The following NKIRAS1 variants were observed in gnomAD, a reference collection of about 807,000 sequenced individuals.
NKIRAS1 encodes the protein NFKB inhibitor interacting Ras like 1.
Under a neutral mutation model 19.8 loss-of-function variants are expected in NKIRAS1, and 16 were observed. That is an observed-to-expected ratio of 0.81 (90% confidence interval 0.55 to 1.23). The LOEUF is 1.23. NKIRAS1 is among the 50% of genes most tolerant of loss of function. NKIRAS1 has a pLI of 0.00. For synonymous variants in NKIRAS1, 88 were observed against 79.0 expected (o/e 1.11, Z -0.61); for missense variants, 184 against 220.0 (o/e 0.84, Z 1.04).
chr3:23,927,095 T>C lies in NKIRAS1; in HGVS notation c.-139-15645A>G, dbSNP rs1016710172. Among the ~76,000 whole-genome samples the C allele has an allele frequency of 1.8e-4, 28 of 152,370 alleles. No homozygotes were observed. Among genetic ancestry groups the C allele is most frequent in the Admixed American group, 3.3e-4 (5 of 15,308 alleles). On this transcript the variant is annotated intron_variant, in intron 1 of 4. Coordinates refer to the NKIRAS1 transcript ENST00000421515. The surrounding 1 kb of genome is among the most constrained non-coding windows in gnomAD (Gnocchi z 4.0). ...TTAGCTTCTCCATCGATTTTAGTTA[T>C]TCTTATTAATGATGCAGTGAACATC...
At chr3:23,915,171 A>T (rs1329837719) in intron 1 of NKIRAS1, among the ~76,000 whole-genome samples, 1 of 152,256 alleles carries the variant, frequency 6.6e-6, no homozygotes, top group Non-Finnish European at 1.5e-5. Flanking sequence ...GTGTAATCAC[A>T]AGTGTCTTTA....
At chr3:23,905,728 C>G (rs1385434838) in intron 3 of NKIRAS1, among the ~76,000 whole-genome samples, 1 of 148,112 alleles carries the variant, frequency 6.8e-6, no homozygotes. Flanking sequence ...TGAAGGCCAT[C>G]ATCACTGGAT....
chr3:23,939,817 G>A (rs957729115), intron 1 of NKIRAS1, among the ~76,000 whole-genome samples: 6 of 152,068 alleles, frequency 3.9e-5, no homozygotes, highest in South Asian at 2.1e-4. Context: ...GAGATAAGAG[G>A]ATACAAACAA....
chr3:23,899,860 G>A (rs1349885163), intron 4 of NKIRAS1, among the ~76,000 whole-genome samples: 3 of 152,196 alleles, frequency 2.0e-5, no homozygotes, highest in South Asian at 2.1e-4. Flanking sequence ...TGTACCCAAG[G>A]AGATAATAAA....
intron 1 of NKIRAS1, chr3:23,945,697 G>A: frequency 1.3e-6 from 1 of 750,160 alleles, no homozygotes; most frequent in Non-Finnish European, 1.7e-6. Context: ...ATGGCCGGTG[G>A]GGCGGGGTGG....
rs1468991168 is a variant in NKIRAS1 at position 23,891,381 on chromosome 3, T to C, written c.*1714A>G. 6.6e-6 allele frequency: 1 copy of C among 152,268 alleles called. No homozygotes were observed. The highest frequency in any genetic ancestry group is 2.4e-5 in the African/African-American group (1 of 41,470). The allele number at this position is 152,268 out of a possible 1,614,324, so 9.4% of individuals were successfully genotyped here. On this transcript the variant is annotated 3_prime_UTR_variant, in exon 5 of 5. Transcript: ENST00000425478. ...CATTCGCAGATTCTTCTGAAATCGATAGGTATCTGCTTCTAAAACAAGCTA... is the reference window on the plus strand; with the variant it reads ...CATTCGCAGATTCTTCTGAAATCGACAGGTATCTGCTTCTAAAACAAGCTA...
Position 23,891,349 on chromosome 3 carries a change from T to A in NKIRAS1, c.*1746A>T, listed in dbSNP as rs1160667151. 2 of 152,246 alleles carry A rather than the reference T, an allele frequency of 1.3e-5. No homozygotes were observed. Among genetic ancestry groups the A allele is most frequent in the African/African-American group, 4.8e-5 (2 of 41,466 alleles). The allele number at this position is 152,246 out of a possible 1,614,324, so 9.4% of individuals were successfully genotyped here. On this transcript the variant is annotated 3_prime_UTR_variant, in exon 5 of 5. Coordinates refer to ENST00000425478, the MANE Select transcript of NKIRAS1 (RefSeq NM_020345.4). ...GTTCATTTACTTTTCTTTTGCCTTT[T>A]GGTTGCCATTCGCAGATTCTTCTGA...
At chr3:23,940,233 G>C (rs1409217617) in intron 1 of NKIRAS1, among the ~76,000 whole-genome samples, 3 of 150,542 alleles carry the variant, frequency 2.0e-5, no homozygotes, top group East Asian at 2.0e-4. Context: ...TGTGGTCCTA[G>C]CTAATTGAGA....
intron 3 of NKIRAS1, among the ~76,000 whole-genome samples, chr3:23,904,412 C>T (rs1219692333): frequency 4.6e-5 from 7 of 152,148 alleles, no homozygotes; most frequent in Admixed American, 2.0e-4. Flanking sequence ...ATGCTGTGTC[C>T]TCACATGGTG....
chr3:23,911,006 T>C, intron 2 of NKIRAS1, 85 bp from the exon 3 acceptor site: 1 of 1,016,342 alleles, frequency 9.8e-7, no homozygotes, highest in Non-Finnish European at 1.5e-6. Context: ...ATTTAATATG[T>C]AACACATGCA....
chr3:23,918,368 G>C, upstream of NKIRAS1: 1 of 1,520,622 alleles, frequency 6.6e-7, no homozygotes, highest in Non-Finnish European at 8.9e-7. Flanking sequence ...TGGAGTATTA[G>C]TGACAAGCCA....
chr3:23,945,902 G>A (rs955292746), intron 1 of NKIRAS1, among the ~76,000 whole-genome samples: 1 of 150,620 alleles, frequency 6.6e-6, no homozygotes, highest in African/African-American at 2.4e-5. Flanking sequence ...GGCGCCGGTT[G>A]GCTGGGCGGG....
At chr3:23,935,397 C>G (rs1705376156) in intron 1 of NKIRAS1, among the ~76,000 whole-genome samples, 1 of 149,586 alleles carries the variant, frequency 6.7e-6, no homozygotes, top group African/African-American at 2.5e-5. Flanking sequence ...AAAAATTGAT[C>G]AACGAATCAA....
At chr3:23,940,214 G>T (rs948231212) in intron 1 of NKIRAS1, among the ~76,000 whole-genome samples, 2 of 150,558 alleles carry the variant, frequency 1.3e-5, no homozygotes, top group African/African-American at 4.9e-5. Context: ...GGGTGTGGTG[G>T]TACACACCTG....
chr3:23,899,666 A>C (rs921640724), intron 4 of NKIRAS1, among the ~76,000 whole-genome samples: 5 of 152,240 alleles, frequency 3.3e-5, no homozygotes, highest in African/African-American at 1.2e-4. Flanking sequence ...GACTGGTGTC[A>C]CTGGAGTATA....
At chr3:23,937,869 G>A (rs4241519) in intron 1 of NKIRAS1, among the ~76,000 whole-genome samples, 96,976 of 151,382 alleles carry the variant, frequency 0.64, 31,226 homozygotes, top group Middle Eastern at 0.73. Context: ...ACATTATCGT[G>A]TAGACTGCAT....
At chr3:23,897,120 G>C (rs1702070091) in intron 4 of NKIRAS1, among the ~76,000 whole-genome samples, 1 of 152,070 alleles carries the variant, frequency 6.6e-6, no homozygotes, top group African/African-American at 2.4e-5. Context: ...ACTGAGGCAG[G>C]AGGTCACTGG....
At chr3:23,895,685 C>A (rs897648670) in intron 4 of NKIRAS1, among the ~76,000 whole-genome samples, 1 of 152,148 alleles carries the variant, frequency 6.6e-6, no homozygotes, top group Non-Finnish European at 1.5e-5. Flanking sequence ...CTCAAATGAA[C>A]TGATGTTCTC....
upstream of NKIRAS1, among the ~76,000 whole-genome samples, chr3:23,921,309 A>G (rs1284151820): frequency 6.6e-6 from 1 of 152,222 alleles, no homozygotes; most frequent in East Asian, 1.9e-4. Context: ...GTGCAAAAAA[A>G]TCAAAAGTCC....
Sources: gnomAD v4.1 joint callset for allele counts (sites outside exome capture counted in the v4.1 genomes callset) on GRCh38, gnomAD v4.1.1 for gene constraint, Gnocchi (gnomAD v3.1) non-coding constraint, MANE v1.5 for transcripts, NCBI Gene and HGNC (gene_info 2026-07-23, HGNC 2026-07-21) for gene names.